Variants in SOX6 observed in about 807,000 individuals in gnomAD.
SOX6 encodes SRY-box transcription factor 6.
A neutral mutation model predicts 97.8 loss-of-function variants in SOX6; 11 were observed. The observed-to-expected ratio is 0.11, with a 90% CI of 0.07 to 0.19. The LOEUF (loss-of-function observed/expected upper bound fraction) is 0.19, where lower values mean the gene tolerates loss of function less well. SOX6 is among the 10% of genes least tolerant of loss of function. SOX6 has a pLI of 1.00. For synonymous variants in SOX6, 360 were observed against 371.4 expected, an observed-to-expected ratio of 0.97 and a Z score of 0.35; for missense variants, 810 against 1,039.5, an observed-to-expected ratio of 0.78 and a Z score of 3.04.
Position 16,271,492 on chromosome 11 carries a change from C to T in SOX6, c.446-36821G>A, listed in dbSNP as rs556730239. On this transcript the variant is annotated intron_variant, in intron 3 of 15. Transcript: ENST00000683767. ...CATTCTCCTGTAAAACTTTCTGGGC[C>T]TAGTGCTTTAAGAGTATTTCTGTGA... Among the ~76,000 whole-genome samples the T allele has an allele frequency of 1.3e-4, 19 of 151,506 alleles. No individual in the cohort carries two copies. In the South Asian group the frequency reaches 3.5e-3, roughly 28 times the overall value.
At chr11:16,441,305 G>A (rs1859498507) in intron 1 of SOX6, among the ~76,000 whole-genome samples, 1 of 152,090 alleles carries the variant, frequency 6.6e-6, no homozygotes, top group South Asian at 2.1e-4. Context: ...TGCCATTATT[G>A]ATGCCCTTCC....
intron 3 of SOX6, among the ~76,000 whole-genome samples, chr11:16,268,459 A>G (rs1306190797): frequency 6.6e-6 from 1 of 151,196 alleles, no homozygotes; most frequent in Non-Finnish European, 1.5e-5. Context: ...AAAGAGGATC[A>G]TTTCATAATG....
chr11:16,544,348 C>T (rs1039400741), intron 4 of SOX6, among the ~76,000 whole-genome samples: 7 of 152,126 alleles, frequency 4.6e-5, no homozygotes, highest in African/African-American at 1.7e-4. Context: ...CAGCCTCAGT[C>T]TCCTGGGCTC....
At chr11:16,239,430 A>T (rs1853119302) in intron 3 of SOX6, among the ~76,000 whole-genome samples, 1 of 152,014 alleles carries the variant, frequency 6.6e-6, no homozygotes, top group Admixed American at 6.6e-5. Context: ...AAGACAGCGG[A>T]GTGGGTTTTT....
At chr11:16,737,223 T>C (rs1848398258) in intron 1 of SOX6, among the ~76,000 whole-genome samples, 1 of 152,212 alleles carries the variant, frequency 6.6e-6, no homozygotes, top group Admixed American at 6.5e-5. Flanking sequence ...TTTATTTATT[T>C]AGAGACCGAG....
chr11:16,058,230 C>T (rs1202312204), intron 9 of SOX6, among the ~76,000 whole-genome samples: 1 of 151,852 alleles, frequency 6.6e-6, no homozygotes, highest in East Asian at 1.9e-4. Flanking sequence ...AAGTTTCTAC[C>T]ATTATATTTT....
At chr11:16,033,907 G>GAAAGAAAAAGAAAAGAAAGGA (rs1464871217) in intron 12 of SOX6, among the ~76,000 whole-genome samples, 1 of 151,336 alleles carries the variant, frequency 6.6e-6, no homozygotes, top group African/African-American at 2.4e-5. Context: ...TAAATAGAAA[G>GAAAGAAAAAGAAAAGAAAGGA]AAAGAAAAAG....
chr11:16,680,672 T>C (rs1456874723), intron 3 of SOX6, among the ~76,000 whole-genome samples: 2 of 152,096 alleles, frequency 1.3e-5, no homozygotes, highest in Non-Finnish European at 2.9e-5. Context: ...GCAAATTGGA[T>C]AAAGAGTCAA....
In SOX6 at chr11:16,712,078, T is replaced by TACACAC. The variant is rs58807051; in HGVS notation, n.429+2746_429+2751dup. Among the ~76,000 whole-genome samples the TACACAC allele has an allele frequency of 6.3e-3, 878 of 139,984 alleles. 6 individuals are homozygous for TACACAC. Among genetic ancestry groups the TACACAC allele is most frequent in the African/African-American group, 0.012 (443 of 37,772 alleles). The allele number at this position is 139,984 out of a possible 152,430, so 91.8% of individuals were successfully genotyped here. A position where few individuals can be genotyped will look rare whatever the true frequency, so the allele number is the denominator to read the frequency against. On this transcript the variant is annotated intron_variant and non_coding_transcript_variant, in intron 3 of 5. Coordinates refer to the SOX6 transcript ENST00000524520. ...CTTTTTATGGCTGAGTAGTATTCCA[T>TACACAC]ACACACACACACACACACACACACA...
At chr11:16,515,210 T>A (rs539567018) in intron 4 of SOX6, among the ~76,000 whole-genome samples, 9 of 152,222 alleles carry the variant, frequency 5.9e-5, no homozygotes, top group Admixed American at 2.0e-4. Context: ...CAGCACCTGT[T>A]GTTTCCTGAC....
rs113635092 is a variant in SOX6, at chr11:16,248,914, G to A, written c.446-14243C>T. Among the ~76,000 whole-genome samples, 868 of 152,116 alleles carry A rather than the reference G, an allele frequency of 5.7e-3. 10 individuals carry two copies. The highest frequency in any genetic ancestry group is 0.019 in the African/African-American group (799 of 41,492). ...AGATTGAGACAATCCTGGCTAACAC[G>A]GTGAAACCCCATCTCTACTAAAAAT... On this transcript the variant is annotated intron_variant, in intron 3 of 15. Coordinates refer to ENST00000683767, the MANE Select transcript of SOX6 (RefSeq NM_001367873.1).
chr11:16,000,392 A>G (rs1854369428), intron 13 of SOX6, among the ~76,000 whole-genome samples: 1 of 152,212 alleles, frequency 6.6e-6, no homozygotes, highest in African/African-American at 2.4e-5. Context: ...ATGTATTAGC[A>G]AAGAGTGATC....
chr11:16,247,396 A>G (rs1383733137), intron 3 of SOX6, among the ~76,000 whole-genome samples: 1 of 152,180 alleles, frequency 6.6e-6, no homozygotes, highest in African/African-American at 2.4e-5. Context: ...ATCTCAATAT[A>G]CTGATTTCCT....
At chr11:16,039,221 C>G (rs758118057) in intron 12 of SOX6, among the ~76,000 whole-genome samples, 2 of 152,080 alleles carry the variant, frequency 1.3e-5, no homozygotes, top group Non-Finnish European at 2.9e-5. Flanking sequence ...CTGCACGTAT[C>G]ACTGCAAACC....
At chr11:16,177,621 A>ATCTCTCTCTC (rs71044087) in intron 6 of SOX6, among the ~76,000 whole-genome samples, 20,017 of 145,502 alleles carry the variant, frequency 0.14, 1,711 homozygotes, top group Non-Finnish European at 0.18. Flanking sequence ...GAATAAGATG[A>ATCTCTCTCTC]TCTCTCTCTC....
intron 12 of SOX6, among the ~76,000 whole-genome samples, chr11:16,041,547 G>T (rs1423818095): frequency 1.3e-5 from 2 of 152,126 alleles, no homozygotes; most frequent in East Asian, 3.8e-4. Flanking sequence ...CCAATGATTA[G>T]ATATTGTTTT....
intron 1 of SOX6, among the ~76,000 whole-genome samples, chr11:16,460,902 C>T (rs1859912160): frequency 6.6e-6 from 1 of 152,066 alleles, no homozygotes; most frequent in African/African-American, 2.4e-5. Context: ...CATCAAGGCC[C>T]TGCCTACACA....
At chr11:16,519,331 T>G (rs567980650) in intron 4 of SOX6, among the ~76,000 whole-genome samples, 2 of 152,290 alleles carry the variant, frequency 1.3e-5, no homozygotes, top group African/African-American at 4.8e-5. Context: ...GGGTAATTTT[T>G]CAACCCTTGC....
At chr11:16,293,858 C>CCTA (rs1854988344) in intron 3 of SOX6, among the ~76,000 whole-genome samples, 1 of 151,896 alleles carries the variant, frequency 6.6e-6, no homozygotes. Context: ...ACGACCAGGC[C>CCTA]CTACATCTCC....
Sources: gnomAD v4.1 joint callset for allele counts (sites outside exome capture counted in the v4.1 genomes callset) on GRCh38, gnomAD v4.1.1 for gene constraint, MANE v1.5 for transcripts, NCBI Gene and HGNC (gene_info 2026-07-23, HGNC 2026-07-21) for gene names.